The following SIN3B variants were observed in gnomAD, a reference collection of about 807,000 sequenced individuals.
SIN3B encodes SIN3 transcription regulator family member B.
A neutral mutation model predicts 120.2 loss-of-function variants in SIN3B; 19 were observed. The observed-to-expected ratio is 0.16, with a 90% CI of 0.11 to 0.23. SIN3B has a LOEUF of 0.23. Among genes scored for constraint, SIN3B ranks in the 10% least tolerant of loss-of-function variants. SIN3B has a pLI of 1.00. For synonymous variants in SIN3B, 654 were observed against 653.2 expected, an observed-to-expected ratio of 1.00 and a Z score of -0.02; for missense variants, 1,073 against 1,573.0, an observed-to-expected ratio of 0.68 and a Z score of 5.38.
intron 3 of SIN3B, among the ~76,000 whole-genome samples, chr19:16,834,444 T>C (rs191967731): frequency 2.0e-4 from 30 of 152,308 alleles, no homozygotes; most frequent in Admixed American, 1.8e-3. Flanking sequence ...TTTAAGTAGC[T>C]GCGGGTCCCC....
intron 3 of SIN3B, among the ~76,000 whole-genome samples, chr19:16,838,010 G>A (rs947703269): frequency 3.9e-5 from 6 of 151,970 alleles, no homozygotes; most frequent in African/African-American, 9.7e-5. Flanking sequence ...GAGGCAGTTC[G>A]AACTCTGCCT....
At chr19:16,848,493 A>G (rs1453983926) in intron 5 of SIN3B, among the ~76,000 whole-genome samples, 1 of 146,188 alleles carries the variant, frequency 6.8e-6, no homozygotes, top group Non-Finnish European at 1.5e-5. Flanking sequence ...TATTGCATTA[A>G]GGTTTGTTTG....
Position 16,862,283 on chromosome 19 carries a change from C to T in SIN3B, c.1059-69C>T. 1 of 1,266,366 alleles carries T rather than the reference C, an allele frequency of 7.9e-7. No homozygotes were observed. Among genetic ancestry groups the T allele is most frequent in the South Asian group, 1.3e-5 (1 of 76,228 alleles). The allele number at this position is 1,266,366 out of a possible 1,614,324, so 78.4% of individuals were successfully genotyped here. A position where few individuals can be genotyped will look rare whatever the true frequency, so the allele number is the denominator to read the frequency against. ...CTTGTAATGTCCACATGAAGCCATT[C>T]TAAAATCTCCAGATCCCTCTCAGAA... On this transcript the variant is annotated intron_variant, in intron 8 of 18. Transcript: ENST00000248054. The surrounding 1 kb of genome is among the most constrained non-coding windows in gnomAD (Gnocchi z 4.7).
intron 3 of SIN3B, among the ~76,000 whole-genome samples, chr19:16,839,541 G>T (rs990451453): frequency 2.0e-5 from 3 of 152,090 alleles, no homozygotes; most frequent in Admixed American, 6.6e-5. Context: ...ATGGTGGGGG[G>T]CTCGCAGTGA....
chr19:16,849,635 C>T (rs1297506918), intron 5 of SIN3B, among the ~76,000 whole-genome samples: 10 of 152,150 alleles, frequency 6.6e-5, no homozygotes. Flanking sequence ...AACTGAAAAG[C>T]AAGAACCATG....
rs370397656 is a variant in SIN3B, at chr19:16,863,757, C to T, written c.1344C>T (p.Tyr448=). The T allele has an allele frequency of 1.5e-5, 25 of 1,614,014 alleles. No individual in the cohort carries two copies. Among genetic ancestry groups the T allele is most frequent in the Admixed American group, 1.7e-5 (1 of 60,016 alleles). ...TCGTCAGCTCCAAGAAGACACCGTA[C>T]GAGGAGCAGCTTCACCGCTGTGAGG... The part of the protein sequence containing the change: ...STFVSSKKTP[Y]EEQLHRCEDE... Residue 448 remains tyrosine, a synonymous_variant, in exon 10 of 19, where the codon TAC becomes TAT. Transcript: ENST00000248054.
At chr19:16,832,191 CTTT>C (rs10528185) in intron 3 of SIN3B, among the ~76,000 whole-genome samples, 1 of 125,434 alleles carries the variant, frequency 8.0e-6, no homozygotes, top group African/African-American at 3.0e-5. Flanking sequence ...TGCTGGCCCT[CTTT>C]TTTTTTTTTT....
intron 2 of SIN3B, among the ~76,000 whole-genome samples, chr19:16,831,053 A>T (rs564993076): frequency 5.1e-4 from 76 of 149,862 alleles, no homozygotes; most frequent in African/African-American, 1.8e-3. Flanking sequence ...AGATGCTATC[A>T]CATGGGGGCA....
intron 10 of SIN3B, among the ~76,000 whole-genome samples, chr19:16,864,308 T>C (rs1971730785): frequency 6.6e-6 from 1 of 152,066 alleles, no homozygotes; most frequent in Non-Finnish European, 1.5e-5. Flanking sequence ...AAAGTTTCTT[T>C]AATGTAAAAA....
chr19:16,844,898 A>G (rs943408385), intron 4 of SIN3B, among the ~76,000 whole-genome samples: 13 of 152,192 alleles, frequency 8.5e-5, no homozygotes, highest in African/African-American at 2.9e-4. Flanking sequence ...AGATGGGGAC[A>G]GGGCTGGCCC....
At chr19:16,870,427 C>T (rs1415755141) in intron 13 of SIN3B, among the ~76,000 whole-genome samples, 1 of 151,274 alleles carries the variant, frequency 6.6e-6, no homozygotes, top group Non-Finnish European at 1.5e-5. Context: ...CGCTGTTGCG[C>T]AGGCTGGAGT....
rs566766751 is a variant in SIN3B, at chr19:16,868,209, G to A, written c.1807-1251G>A. Among the ~76,000 whole-genome samples, 71 of 152,304 alleles carry A rather than the reference G, an allele frequency of 4.7e-4. 1 individual carries two copies. The South Asian group carries it at 9.7e-3, about 21-fold the overall frequency. On this transcript the variant is annotated intron_variant, in intron 12 of 18. Coordinates refer to ENST00000248054, the MANE Select transcript of SIN3B (RefSeq NM_001297595.2). ...GGGACTTAGGAAGCAGTCAGAGGGC[G>A]ATGGTCACACTGAAGAGCCCAGAGC...
At chr19:16,871,965 A>G (rs1367596954) in intron 14 of SIN3B, among the ~76,000 whole-genome samples, 1 of 152,136 alleles carries the variant, frequency 6.6e-6, no homozygotes, top group Non-Finnish European at 1.5e-5. Flanking sequence ...ATCCTGAGGG[A>G]GGGTGGGAAT....
chr19:16,875,774 T>C (rs982271844), intron 14 of SIN3B, among the ~76,000 whole-genome samples: 3 of 147,878 alleles, frequency 2.0e-5, no homozygotes, highest in Non-Finnish European at 3.0e-5. Flanking sequence ...TCTGGTCTGT[T>C]TGGTCTGGTC....
At chr19:16,847,673 TGGC>T (rs1310013068) in intron 5 of SIN3B, among the ~76,000 whole-genome samples, 1 of 152,232 alleles carries the variant, frequency 6.6e-6, no homozygotes, top group East Asian at 1.9e-4. Flanking sequence ...CCCCTGCCTG[TGGC>T]CTGAAGCTGC....
chr19:16,866,680 G>A, intron 12 of SIN3B, 124 bp downstream of exon 12: 3 of 917,584 alleles, frequency 3.3e-6, no homozygotes, highest in Non-Finnish European at 5.0e-6. Context: ...TCAGGGCTGT[G>A]TTGAGGCGAG....
At chr19:16,843,735 C>T (rs867140999) in intron 4 of SIN3B, among the ~76,000 whole-genome samples, 13 of 152,358 alleles carry the variant, frequency 8.5e-5, no homozygotes, top group African/African-American at 2.2e-4. Context: ...GAAGGGACAA[C>T]GCAGTATCCC....
intron 8 of SIN3B, chr19:16,854,883 TCA>T (rs1971591511): frequency 6.6e-6 from 1 of 152,268 alleles, no homozygotes; most frequent in Non-Finnish European, 1.5e-5. Flanking sequence ...TGCATTTATT[TCA>T]GTGTTTAATA....
intron 3 of SIN3B, among the ~76,000 whole-genome samples, chr19:16,833,702 G>A (rs1971308410): frequency 1.3e-5 from 2 of 150,998 alleles, no homozygotes; most frequent in Admixed American, 6.6e-5. Flanking sequence ...TCTCCTGAAA[G>A]CCAAGGAGCG....
Sources: gnomAD v4.1 joint callset for allele counts (sites outside exome capture counted in the v4.1 genomes callset) on GRCh38, gnomAD v4.1.1 for gene constraint, Gnocchi (gnomAD v3.1) non-coding constraint, MANE v1.5 for transcripts, NCBI Gene and HGNC (gene_info 2026-07-23, HGNC 2026-07-21) for gene names.